The following PCBP3 variants were observed in gnomAD, a reference collection of about 807,000 sequenced individuals.
PCBP3 encodes poly(rC) binding protein 3, also known as poly(rC)-binding protein 3.
In PCBP3, 25 loss-of-function variants were observed where a neutral mutation model predicts 52.7. The ratio of observed to expected loss-of-function variants is 0.47; its 90% CI spans 0.35 to 0.66. PCBP3 has a LOEUF of 0.66. Among genes scored for constraint, PCBP3 ranks in the 30% least tolerant of loss-of-function variants. The pLI is 0.01. For missense variants in PCBP3, 391 were observed against 490.3 expected (o/e 0.80, Z 1.91); for synonymous variants, 162 against 183.0 (o/e 0.89, Z 0.93).
In PCBP3 at chr21:45,893,833, A is replaced by G. The variant is rs926661353; in HGVS notation, c.11-2375A>G. On this transcript the variant is annotated intron_variant, in intron 5 of 17. Coordinates refer to ENST00000681687, the MANE Select transcript of PCBP3 (RefSeq NM_001384156.1). ...TCCATTCTGAGAAACGGCCAGTCCC[A>G]TGGGGCCTTGGATGCCAGTGGTCCG... The G allele has an allele frequency of 1.2e-5, 12 of 985,434 alleles. No homozygotes were observed. The African/African-American group carries it at 1.9e-4, about 16-fold the overall frequency. 61.0% of individuals were successfully genotyped at this position (985,434 alleles called of 1,614,324 possible).
chr21:45,734,789 T>C (rs1417339332), intron 2 of PCBP3, among the ~76,000 whole-genome samples: 1 of 152,194 alleles, frequency 6.6e-6, no homozygotes, highest in Non-Finnish European at 1.5e-5. Context: ...TTAAGTGAGG[T>C]GGGAGAGTCA....
chr21:45,839,255 C>T (rs2093650937), intron 4 of PCBP3, among the ~76,000 whole-genome samples: 1 of 152,192 alleles, frequency 6.6e-6, no homozygotes, highest in African/African-American at 2.4e-5. Context: ...TCCTCTCCCA[C>T]TCCTAATTTT....
chr21:45,806,333 G>A (rs986256029), intron 4 of PCBP3, among the ~76,000 whole-genome samples: 62 of 152,302 alleles, frequency 4.1e-4, no homozygotes, highest in African/African-American at 1.3e-3. Flanking sequence ...GCACAGAAAG[G>A]GAAGTGGAGG....
At chr21:45,901,162 G>A in intron 9 of PCBP3, 49 bp downstream of exon 9, 1 of 1,341,534 alleles carries the variant, frequency 7.5e-7, no homozygotes, top group South Asian at 1.2e-5. Flanking sequence ...GGCAGGCCTG[G>A]TCCCAGCTGG....
rs1051861285 is a variant in PCBP3, at chr21:45,724,750, C to G, written c.-199-10642C>G. On this transcript the variant is annotated intron_variant, in intron 2 of 17. Coordinates refer to ENST00000681687, the MANE Select transcript of PCBP3 (RefSeq NM_001384156.1). The surrounding 1 kb of genome is among the most constrained non-coding windows in gnomAD (Gnocchi z 5.3). The stretch of plus-strand genomic sequence containing the variant: ...AGTGGCACTCTGTAACCCGCCCCCC[C>G]TCAGCTGGAGTGGCACTCTGTTGGC... Among the ~76,000 whole-genome samples the G allele has an allele frequency of 5.3e-5, 8 of 151,994 alleles. No homozygotes were observed. The highest frequency in any genetic ancestry group is 1.9e-4 in the African/African-American group (8 of 41,438).
In PCBP3 at chr21:45,724,744, C is replaced by T. The variant is rs2084906068; in HGVS notation, c.-199-10648C>T. 6.6e-6 allele frequency among the ~76,000 whole-genome samples: 1 copy of T among 151,234 alleles called. No individual in the cohort carries two copies. The highest frequency in any genetic ancestry group is 2.4e-5 in the African/African-American group (1 of 41,112). On this transcript the variant is annotated intron_variant, in intron 2 of 17. Coordinates refer to ENST00000681687, the MANE Select transcript of PCBP3 (RefSeq NM_001384156.1). This position sits in a 1 kb window ranked among gnomAD's most constrained non-coding sequence, Gnocchi z 5.3. ...AGCTGGAGTGGCACTCTGTAACCCG[C>T]CCCCCCTCAGCTGGAGTGGCACTCT...
At position 45,650,297 on chromosome 21, in the gene PCBP3, C is replaced by T. The variant is rs1258601805; in HGVS notation, c.-279+6429C>T. On this transcript the variant is annotated intron_variant, in intron 1 of 17. Transcript: ENST00000681687. ...AAGCTGCAATGAACTGTGATCATGC[C>T]TCTGCACTCCAGCCTAAATTATTGG... Among the ~76,000 whole-genome samples, 4 of 152,256 alleles carry T rather than the reference C, an allele frequency of 2.6e-5. No individual in the cohort carries two copies. In the East Asian group the frequency reaches 7.7e-4, roughly 29 times the overall value.
intron 1 of PCBP3, among the ~76,000 whole-genome samples, chr21:45,644,413 C>T (rs1043497397): frequency 1.3e-5 from 2 of 151,912 alleles, no homozygotes; most frequent in African/African-American, 4.8e-5. Flanking sequence ...TCTTGTTGCT[C>T]GCTGTGTTTT....
intron 2 of PCBP3, among the ~76,000 whole-genome samples, chr21:45,669,803 GTGTATATATATATATATATATATA>G (rs772458070): frequency 0.073 from 3,959 of 54,514 alleles, 241 homozygotes; most frequent in Non-Finnish European, 0.088. Context: ...GTGTGTGTGT[GTGTATATATATATATATATATATA>G]TATATATATA....
chr21:45,901,169 C>G, intron 9 of PCBP3, 56 bp downstream of exon 9: 1 of 1,261,164 alleles, frequency 7.9e-7, no homozygotes, highest in South Asian at 1.2e-5. Context: ...CTGGTCCCAG[C>G]TGGCTCCCTG....
intron 5 of PCBP3, among the ~76,000 whole-genome samples, chr21:45,856,506 A>G (rs1320825967): frequency 6.6e-6 from 1 of 152,190 alleles, no homozygotes; most frequent in Admixed American, 6.5e-5. Context: ...TTCCCCATGA[A>G]CGGCCTGGGC....
At chr21:45,925,500 TAAG>T (rs879537197) in intron 13 of PCBP3, among the ~76,000 whole-genome samples, 1 of 152,176 alleles carries the variant, frequency 6.6e-6, no homozygotes, top group Non-Finnish European at 1.5e-5. Flanking sequence ...AAATTCCAGT[TAAG>T]AAGCAAAGGC....
At position 45,904,176 on chromosome 21, in the gene PCBP3, A is replaced by T. The variant is rs1247006251; in HGVS notation, c.339+3063A>T. Among the ~76,000 whole-genome samples, 1 of 152,186 alleles carries T rather than the reference A, an allele frequency of 6.6e-6. No homozygotes were observed. The highest frequency in any genetic ancestry group is 1.5e-5 in the Non-Finnish European group (1 of 68,034). ...GCTGAGTCCTCTACAGTCATTTGTC[A>T]TCTCTGCCGCAGCAGGGCAGAGTCG... On this transcript the variant is annotated intron_variant, in intron 9 of 17. Transcript: ENST00000681687. This position sits in a 1 kb window ranked among gnomAD's most constrained non-coding sequence, Gnocchi z 4.8.
chr21:45,789,226 TTGTG>T (rs2091367717), intron 4 of PCBP3, among the ~76,000 whole-genome samples: 1 of 152,228 alleles, frequency 6.6e-6, no homozygotes, highest in Non-Finnish European at 1.5e-5. Context: ...GCATGCATGT[TTGTG>T]CATACATAGT....
At chr21:45,876,467 T>C (rs2839033) in intron 5 of PCBP3, among the ~76,000 whole-genome samples, 118,718 of 152,030 alleles carry the variant, frequency 0.78, 46,974 homozygotes, top group East Asian at 1. Flanking sequence ...TGTTCCCCAC[T>C]GGCACCTTTG....
chr21:45,814,139 G>T (rs1286873938), intron 4 of PCBP3, among the ~76,000 whole-genome samples: 1 of 152,228 alleles, frequency 6.6e-6, no homozygotes, highest in African/African-American at 2.4e-5. Flanking sequence ...AGTGGCAATT[G>T]TGTGTTTAAA....
intron 4 of PCBP3, among the ~76,000 whole-genome samples, chr21:45,804,361 A>G (rs956610691): frequency 6.6e-6 from 1 of 152,126 alleles, no homozygotes; most frequent in Non-Finnish European, 1.5e-5. Context: ...CACACCATCC[A>G]TGTAGATTAT....
At position 45,793,599 on chromosome 21, in the gene PCBP3, G is replaced by A. The variant is rs537786716; in HGVS notation, c.-126+38147G>A. Among the ~76,000 whole-genome samples, 562 of 152,258 alleles carry A rather than the reference G, an allele frequency of 3.7e-3. 4 individuals are homozygous for A. Among genetic ancestry groups the A allele is most frequent in the Non-Finnish European group, 6.5e-3 (445 of 68,022 alleles). On this transcript the variant is annotated intron_variant, in intron 4 of 17. Coordinates refer to ENST00000681687, the MANE Select transcript of PCBP3 (RefSeq NM_001384156.1). ...CTGACCAGTATTGAGTGGGCGCGGG[G>A]AAAACATGGCTGCCAGGACCTGTGA...
chr21:45,850,779 C>T (rs917237635), intron 5 of PCBP3, among the ~76,000 whole-genome samples: 2 of 152,164 alleles, frequency 1.3e-5, no homozygotes, highest in Non-Finnish European at 2.9e-5. Flanking sequence ...AGGATGTGTA[C>T]AGGTGAAGTC....
Sources: allele counts gnomAD v4.1 joint callset (sites outside exome capture counted in the v4.1 genomes callset), GRCh38; gene constraint gnomAD v4.1.1; non-coding constraint Gnocchi (gnomAD v3.1); transcripts MANE v1.5; gene names NCBI Gene and HGNC (gene_info 2026-07-23, HGNC 2026-07-21).